The following USP9X variants were observed in gnomAD, a reference collection of about 807,000 sequenced individuals.
USP9X encodes the protein ubiquitin carboxyl-terminal hydrolase 9X.
A neutral mutation model predicts 190.3 loss-of-function variants in USP9X; 7 were observed. The observed-to-expected ratio is 0.04, with a 90% CI of 0.02 to 0.07. The LOEUF (loss-of-function observed/expected upper bound fraction) is 0.07, where lower values mean the gene tolerates loss of function less well. USP9X is among the 10% of genes least tolerant of loss of function. The pLI is 1.00. For synonymous variants in USP9X, 645 were observed against 659.5 expected, an observed-to-expected ratio of 0.98 and a Z score of 0.34; for missense variants, 1,010 against 1,916.9, an observed-to-expected ratio of 0.53 and a Z score of 8.83.
chrX:41,235,965 C>T lies in USP9X; in HGVS notation c.*3441C>T, dbSNP rs1602064314. The T allele has an allele frequency of 9.0e-6, 1 of 111,387 alleles. No individual in the cohort carries two copies. Among genetic ancestry groups the T allele is most frequent in the South Asian group, 3.7e-4 (1 of 2,690 alleles). The allele number at this position is 111,387 out of a possible 1,213,427, so 9.2% of individuals were successfully genotyped here. A position where few individuals can be genotyped will look rare whatever the true frequency, so the allele number is the denominator to read the frequency against. ...AGTTTTTTTATTAGTATTTTTCCAGCTTATGTTTTCCCATGAGCTATTTTA... is the reference window on the plus strand; with the variant it reads ...AGTTTTTTTATTAGTATTTTTCCAGTTTATGTTTTCCCATGAGCTATTTTA... On this transcript the variant is annotated 3_prime_UTR_variant, in exon 45 of 45. Transcript: ENST00000378308.
intron 26 of USP9X, among the ~76,000 whole-genome samples, chrX:41,194,330 G>A (rs371069813): frequency 1.9e-4 from 21 of 111,622 alleles, no homozygotes; most frequent in East Asian, 1.4e-3. Context: ...CGAGGCGGGC[G>A]GATCACCTGA....
intron 1 of USP9X, among the ~76,000 whole-genome samples, chrX:41,117,600 C>CG (rs2062159440): frequency 1.2e-5 from 1 of 82,990 alleles, no homozygotes; most frequent in African/African-American, 4.9e-5. Context: ...TTTTTTGAGA[C>CG]GGAGTTTTGC....
At chrX:41,179,427 G>A (rs1236261924) in intron 21 of USP9X, among the ~76,000 whole-genome samples, 1 of 111,479 alleles carries the variant, frequency 9.0e-6, no homozygotes, top group Non-Finnish European at 1.9e-5. Flanking sequence ...TCCTGTGTTC[G>A]TTCTTTCATC....
rs778442188 is a variant in USP9X at position 41,235,214 on chromosome X, A to G, written c.*2690A>G. 1 of 112,210 alleles carries G rather than the reference A, an allele frequency of 8.9e-6. No homozygotes were observed. The highest frequency in any genetic ancestry group is 3.2e-5 in the African/African-American group (1 of 30,820). The allele number at this position is 112,210 out of a possible 1,213,427, so 9.2% of individuals were successfully genotyped here. Reference sequence around the variant, plus strand: ...TTCGTTGTGACTAGGAGCAAGGGAAAGTGGAGTTATTTTTGTTTGTGCAAA... The same window carrying G: ...TTCGTTGTGACTAGGAGCAAGGGAAGGTGGAGTTATTTTTGTTTGTGCAAA... On this transcript the variant is annotated 3_prime_UTR_variant, in exon 45 of 45. Transcript: ENST00000378308.
intron 2 of USP9X, among the ~76,000 whole-genome samples, chrX:41,125,735 C>T (rs1309712216): frequency 9.4e-6 from 1 of 106,765 alleles, no homozygotes; most frequent in African/African-American, 3.5e-5. Flanking sequence ...CGCGCGCGCG[C>T]TCTCTCTCTC....
intron 1 of USP9X, among the ~76,000 whole-genome samples, chrX:41,091,359 CAT>C (rs770156626): frequency 8.9e-6 from 1 of 111,943 alleles, no homozygotes; most frequent in African/African-American, 3.2e-5. Flanking sequence ...CCAGAAATTA[CAT>C]ACTCTGGTGT....
chrX:41,151,110 TGAAAA>T (rs2062520822), intron 13 of USP9X, 53 bp downstream of exon 13: 1 of 1,119,875 alleles, frequency 8.9e-7, no homozygotes, highest in Non-Finnish European at 1.2e-6. Context: ...TGTACTTTAT[TGAAAA>T]GAAACAGCAT....
Position 41,154,585 on chromosome X carries a change from C to T in USP9X, c.1897+1504C>T, listed in dbSNP as rs181051579. Among the ~76,000 whole-genome samples the T allele has an allele frequency of 2.7e-5, 3 of 111,943 alleles. No individual in the cohort carries two copies. The East Asian group carries it at 8.4e-4, about 31-fold the overall frequency. On this transcript the variant is annotated intron_variant, in intron 14 of 44. Coordinates refer to ENST00000378308, the MANE Select transcript of USP9X (RefSeq NM_001039591.3). ...TAGTACAATTCTACTTGAGTTACCG[C>T]CTCATCTCAACTTCGTTATCACAGG...
chrX:41,167,539 A>G lies in USP9X; in HGVS notation c.2386A>G (p.Ile796Val), dbSNP rs1428914892. 1 of 1,205,959 alleles carries G rather than the reference A, an allele frequency of 8.3e-7. No homozygotes were observed. The highest frequency in any genetic ancestry group is 1.1e-6 in the Non-Finnish European group (1 of 892,718). Residue 796 changes from isoleucine (I) to valine (V), a missense_variant, in exon 17 of 45, where the codon ATA becomes GTA. Ile to Val is a conservative substitution (Grantham distance 29). Around this residue, in one of 11 missense-constraint regions of USP9X, gnomAD observed 104 missense variants for 239.8 expected, o/e 0.43. Coordinates refer to ENST00000378308, the MANE Select transcript of USP9X (RefSeq NM_001039591.3). ...CAGAGCTATAGATCTCCTCAAAGAG[A>G]TATACACGAACCTTGGTCCAAGACT... ...ASRAIDLLKE[I>V]YTNLGPRLQV...
At chrX:41,172,591 T>C (rs1569179512) in intron 21 of USP9X, among the ~76,000 whole-genome samples, 1 of 112,159 alleles carries the variant, frequency 8.9e-6, no homozygotes, top group African/African-American at 3.2e-5. Flanking sequence ...ATCCTCCCAG[T>C]ATTTGCTTAA....
chrX:41,187,916 G>T, intron 24 of USP9X, 76 bp from the exon 25 acceptor site: 3 of 992,093 alleles, frequency 3.0e-6, no homozygotes, highest in African/African-American at 2.0e-5. Flanking sequence ...CCTTTACAAA[G>T]TGAAACATTT....
intron 1 of USP9X, among the ~76,000 whole-genome samples, chrX:41,118,356 A>C (rs2062166168): frequency 9.1e-6 from 1 of 110,383 alleles, no homozygotes; most frequent in Non-Finnish European, 1.9e-5. Flanking sequence ...TAATCTGGGT[A>C]CCCGTGTACT....
intron 21 of USP9X, among the ~76,000 whole-genome samples, chrX:41,179,677 C>T (rs1017840699): frequency 9.8e-5 from 11 of 112,070 alleles, no homozygotes; most frequent in Non-Finnish European, 1.9e-4. Context: ...TGTATCTCTA[C>T]AGCAATGAGA....
chrX:41,146,884 G>C (rs2062470400), intron 11 of USP9X, among the ~76,000 whole-genome samples: 1 of 109,025 alleles, frequency 9.2e-6, no homozygotes, highest in South Asian at 3.9e-4. Flanking sequence ...TTTTCATGTA[G>C]TTTGTATGTC....
chrX:41,149,844 C>G (rs1280477375), intron 12 of USP9X, among the ~76,000 whole-genome samples: 3 of 110,200 alleles, frequency 2.7e-5, no homozygotes, highest in Non-Finnish European at 3.8e-5. Context: ...GCTGGGATTA[C>G]AGACACGTGC....
intron 33 of USP9X, among the ~76,000 whole-genome samples, chrX:41,211,041 G>A (rs961012285): frequency 6.4e-5 from 7 of 108,628 alleles, no homozygotes; most frequent in Non-Finnish European, 1.1e-4. Flanking sequence ...GCCTAGGCTG[G>A]AGTTCAGTGG....
intron 26 of USP9X, chrX:41,195,871 A>G (rs918718780): frequency 9.0e-6 from 3 of 332,684 alleles, no homozygotes; most frequent in Non-Finnish European, 1.2e-5. Context: ...CAGAATTTCC[A>G]CAGAGCTGTT....
chrX:41,089,903 G>GTTTTTTTTTTTT (rs139093155), intron 1 of USP9X, among the ~76,000 whole-genome samples: 11 of 30,358 alleles, frequency 3.6e-4, no homozygotes, highest in Non-Finnish European at 5.0e-4. Flanking sequence ...ATCTATGAGG[G>GTTTTTTTTTTTT]TTTTTTTTTT....
chrX:41,129,319 A>G (rs1227699329), intron 3 of USP9X, among the ~76,000 whole-genome samples, 174 bp downstream of exon 3: 1 of 112,619 alleles, frequency 8.9e-6, no homozygotes, highest in Non-Finnish European at 1.9e-5. Context: ...ATTAATGATG[A>G]TGACCCTAGT....
Sources: gnomAD v4.1 joint callset for allele counts (sites outside exome capture counted in the v4.1 genomes callset) on GRCh38, gnomAD v4.1.1 for gene constraint, gnomAD v4.1.1 regional missense constraint, MANE v1.5 for transcripts, NCBI Gene and HGNC (gene_info 2026-07-23, HGNC 2026-07-21) for gene names.